Variants in UNC5C observed in about 807,000 individuals in gnomAD.
UNC5C encodes netrin receptor UNC5C.
In UNC5C, 47 loss-of-function variants were observed where a neutral mutation model predicts 99.8. The observed-to-expected ratio is 0.47, with a 90% CI of 0.37 to 0.60. The LOEUF is 0.60. Among genes scored for constraint, UNC5C ranks in the 20% least tolerant of loss-of-function variants. The pLI is 0.00. For synonymous variants in UNC5C, 487 were observed against 452.2 expected (o/e 1.08, Z -0.98); for missense variants, 1,062 against 1,165.9 (o/e 0.91, Z 1.30).
chr4:95,219,323 A>G lies in UNC5C; in HGVS notation c.1301-10T>C. 6.2e-7 allele frequency: 1 copy of G among 1,608,728 alleles called. No individual in the cohort carries two copies. The highest frequency in any genetic ancestry group is 8.5e-7 in the Non-Finnish European group (1 of 1,176,770). ...GGTACAGCCAGCAGATCTGAGTCAG[A>G]AAGAGAAAATAATCCCATTGGCATT... On this transcript the variant is annotated splice_polypyrimidine_tract_variant and intron_variant, in intron 8 of 15. Transcript: ENST00000453304.
rs192804789 is a variant in UNC5C, at chr4:95,290,954, G to T, written c.490+10652C>A. On this transcript the variant is annotated intron_variant, in intron 3 of 15. Transcript: ENST00000453304. ...TGCCAAGCCCTGGCTATCACTTACT[G>T]CACTGAGATCATTTAAATGAGAGAA... is the stretch of plus-strand genomic sequence containing the variant. Among the ~76,000 whole-genome samples the T allele has an allele frequency of 8.5e-5, 13 of 152,256 alleles. No individual in the cohort carries two copies. The East Asian group carries it at 1.9e-3, about 23-fold the overall frequency.
At chr4:95,287,855 A>T (rs2865430) in intron 3 of UNC5C, among the ~76,000 whole-genome samples, 100,497 of 152,054 alleles carry the variant, frequency 0.66, 34,258 homozygotes, top group African/African-American at 0.84. Context: ...AATGCTACAT[A>T]TTAAAATTTA....
chr4:95,361,285 ACT>A (rs1157184270), intron 1 of UNC5C, among the ~76,000 whole-genome samples: 1 of 152,024 alleles, frequency 6.6e-6, no homozygotes, highest in Non-Finnish European at 1.5e-5. Flanking sequence ...TTGTTTTCAT[ACT>A]CTGTTTTTCT....
intron 1 of UNC5C, among the ~76,000 whole-genome samples, chr4:95,529,681 C>T (rs760724607): frequency 2.2e-4 from 33 of 151,674 alleles, no homozygotes; most frequent in Non-Finnish European, 3.2e-4. Context: ...GAGCTGTGAC[C>T]GCACCACTGC....
chr4:95,388,892 T>TG (rs1389365884), intron 1 of UNC5C, among the ~76,000 whole-genome samples: 1 of 152,188 alleles, frequency 6.6e-6, no homozygotes, highest in East Asian at 1.9e-4. Flanking sequence ...AAGCCCTAAT[T>TG]TTTTTAAAAA....
chr4:95,178,751 T>C (rs1451391076), intron 14 of UNC5C, among the ~76,000 whole-genome samples: 1 of 152,182 alleles, frequency 6.6e-6, no homozygotes, highest in Non-Finnish European at 1.5e-5. Context: ...ATATTCATGT[T>C]GTCCCCATTT....
At chr4:95,251,126 T>C (rs764147913) in intron 4 of UNC5C, among the ~76,000 whole-genome samples, 1 of 152,226 alleles carries the variant, frequency 6.6e-6, no homozygotes. Flanking sequence ...GAAAGACTAT[T>C]TTTAAAAGCA....
intron 1 of UNC5C, among the ~76,000 whole-genome samples, chr4:95,494,610 T>A (rs1167028711): frequency 6.6e-6 from 1 of 151,490 alleles, no homozygotes; most frequent in African/African-American, 2.4e-5. Flanking sequence ...AGAAGTAAAG[T>A]TCACATAAGA....
intron 1 of UNC5C, among the ~76,000 whole-genome samples, chr4:95,352,273 G>GT (rs1744018721): frequency 6.6e-6 from 1 of 152,228 alleles, no homozygotes; most frequent in Admixed American, 6.5e-5. Context: ...ACTGGTGTTT[G>GT]TATCTTTGAA....
intron 1 of UNC5C, among the ~76,000 whole-genome samples, chr4:95,484,935 C>T (rs1278297806): frequency 6.6e-6 from 1 of 151,766 alleles, no homozygotes; most frequent in Non-Finnish European, 1.5e-5. Context: ...AACCTGTAAA[C>T]ACTTCATAAA....
intron 1 of UNC5C, among the ~76,000 whole-genome samples, chr4:95,444,912 A>G (rs1458297029): frequency 6.6e-6 from 1 of 152,202 alleles, no homozygotes; most frequent in Admixed American, 6.5e-5. Context: ...ATGTACAGAG[A>G]AACATATGAA....
intron 1 of UNC5C, among the ~76,000 whole-genome samples, chr4:95,457,884 C>G (rs1747488951): frequency 6.6e-6 from 1 of 151,954 alleles, no homozygotes; most frequent in Admixed American, 6.6e-5. Flanking sequence ...GATGAGATGG[C>G]AGCCCCAGCT....
At chr4:95,465,709 A>T (rs1747751498) in intron 1 of UNC5C, among the ~76,000 whole-genome samples, 1 of 152,208 alleles carries the variant, frequency 6.6e-6, no homozygotes, top group African/African-American at 2.4e-5. Context: ...AAATTAGAAA[A>T]GCTAATGATG....
At chr4:95,256,763 G>A (rs746641274) in intron 4 of UNC5C, among the ~76,000 whole-genome samples, 7 of 135,252 alleles carry the variant, frequency 5.2e-5, no homozygotes, top group Non-Finnish European at 8.2e-5. Context: ...AAAGTCCCAC[G>A]ATAGGCCTTC....
intron 1 of UNC5C, among the ~76,000 whole-genome samples, chr4:95,393,996 A>G (rs1579380332): frequency 6.6e-6 from 1 of 152,120 alleles, no homozygotes; most frequent in African/African-American, 2.4e-5. Context: ...TTTTATTAAG[A>G]AATGGAAAAA....
intron 10 of UNC5C, 76 bp from the exon 11 acceptor site, chr4:95,206,872 A>G: frequency 7.8e-7 from 1 of 1,274,654 alleles, no homozygotes; most frequent in South Asian, 2.0e-5. Flanking sequence ...TTCTGAAGGC[A>G]AACAGGTCAA....
intron 4 of UNC5C, among the ~76,000 whole-genome samples, chr4:95,259,068 T>G (rs1026882842): frequency 1.3e-4 from 20 of 152,220 alleles, no homozygotes; most frequent in Admixed American, 2.6e-4. Context: ...GCCTCGACCA[T>G]CTTATTCTAA....
At chr4:95,513,837 T>C (rs936533496) in intron 1 of UNC5C, among the ~76,000 whole-genome samples, 12 of 152,198 alleles carry the variant, frequency 7.9e-5, no homozygotes, top group African/African-American at 2.9e-4. Flanking sequence ...CTTAAATGTA[T>C]GTCTAACTTA....
intron 1 of UNC5C, among the ~76,000 whole-genome samples, chr4:95,356,226 AAAC>A (rs1744197393): frequency 9.0e-5 from 13 of 144,798 alleles, no homozygotes; most frequent in African/African-American, 1.3e-4. Context: ...AACAAAAAAA[AAAC>A]AGATTCCTCG....
Sources: allele counts gnomAD v4.1 joint callset (sites outside exome capture counted in the v4.1 genomes callset), GRCh38; gene constraint gnomAD v4.1.1; transcripts MANE v1.5; gene names NCBI Gene and HGNC (gene_info 2026-07-23, HGNC 2026-07-21).